Variants in PRELID2 observed in about 807,000 individuals in gnomAD.
The protein encoded by PRELID2 is PRELI domain containing 2, also known as PRELI domain-containing protein 2.
In PRELID2, 25 loss-of-function variants were observed where a neutral mutation model predicts 28.4. The ratio of observed to expected loss-of-function variants is 0.88; its 90% CI spans 0.64 to 1.23. The LOEUF is 1.23. PRELID2 is among the 50% of genes most tolerant of loss of function. The probability of loss-of-function intolerance (pLI) is 0.00; values close to 1 mark genes in which losing one functional copy is unlikely to be tolerated. For missense variants in PRELID2, 201 were observed against 214.4 expected (o/e 0.94, Z 0.39); for synonymous variants, 76 against 71.6 (o/e 1.06, Z -0.31).
rs181673825 is a variant in PRELID2 at position 145,503,082 on chromosome 5, G to C, written n.71-29767C>G. On this transcript the variant is annotated intron_variant and non_coding_transcript_variant, in intron 1 of 2. Transcript: ENST00000510259. ...TGGATGGCTGGGAGAGTATTCACAGGGGGTGGAGGCCTGGGGTCATCAAAG... is the reference window on the plus strand; with the variant it reads ...TGGATGGCTGGGAGAGTATTCACAGCGGGTGGAGGCCTGGGGTCATCAAAG... Among the ~76,000 whole-genome samples the C allele has an allele frequency of 6.1e-4, 93 of 152,232 alleles. No individual in the cohort carries two copies. The East Asian group carries it at 0.011, about 19-fold the overall frequency.
chr5:145,800,702 A>G (rs1753079927), intron 4 of PRELID2, among the ~76,000 whole-genome samples: 1 of 152,162 alleles, frequency 6.6e-6, no homozygotes, highest in African/African-American at 2.4e-5. Context: ...CATATCAGAG[A>G]ATAACAGAGC....
At chr5:145,821,159 G>GTGTGTGTGTGTGTGTGTGTGTGTGTGTA (rs1754771990) in intron 2 of PRELID2, among the ~76,000 whole-genome samples, 4 of 92,632 alleles carry the variant, frequency 4.3e-5, no homozygotes, top group Admixed American at 1.1e-4. Flanking sequence ...CTGGGTGTGT[G>GTGTGTGTGTGTGTGTGTGTGTGTGTGTA]TGTGTGTGTG....
intron 4 of PRELID2, among the ~76,000 whole-genome samples, chr5:145,815,546 C>CA (rs1339296148): frequency 6.6e-6 from 1 of 152,128 alleles, no homozygotes; most frequent in Non-Finnish European, 1.5e-5. Context: ...AACTCCGTAC[C>CA]AACTGGCAGT....
intron 1 of PRELID2, among the ~76,000 whole-genome samples, chr5:145,644,687 T>C (rs1754167659): frequency 6.6e-6 from 1 of 152,352 alleles, no homozygotes; most frequent in South Asian, 2.1e-4. Context: ...TTGCTTTAAA[T>C]GTGTCCCAGA....
At chr5:145,482,555 C>A (rs1391664550) in intron 1 of PRELID2, among the ~76,000 whole-genome samples, 3 of 152,076 alleles carry the variant, frequency 2.0e-5, no homozygotes, top group Non-Finnish European at 2.9e-5. Flanking sequence ...CGGTCCCCAA[C>A]TTTTTTGGCA....
At chr5:145,379,750 C>T in the PRELID2 span, among the ~76,000 whole-genome samples, 1 of 152,036 alleles carries the variant, frequency 6.6e-6, no homozygotes, top group Admixed American at 6.5e-5. Context: ...AAGGAGGGAG[C>T]ATGAAGGCTG....
chr5:145,716,027 T>C (rs1156902876), intron 1 of PRELID2, among the ~76,000 whole-genome samples: 1 of 152,218 alleles, frequency 6.6e-6, no homozygotes, highest in Non-Finnish European at 1.5e-5. Flanking sequence ...TTGTAAACTT[T>C]CTTAAAACAT....
At chr5:145,540,611 A>T (rs138051648) in intron 1 of PRELID2, among the ~76,000 whole-genome samples, 1 of 151,454 alleles carries the variant, frequency 6.6e-6, no homozygotes, top group Non-Finnish European at 1.5e-5. Context: ...AAGTTAAATG[A>T]CTCAGAAGGA....
At chr5:145,822,378 C>T (rs114615231) in intron 2 of PRELID2, among the ~76,000 whole-genome samples, 1,824 of 152,282 alleles carry the variant, frequency 0.012, 36 homozygotes, top group African/African-American at 0.041. Context: ...GCAATAAAGT[C>T]TCTGTGGCAA....
chr5:145,624,013 C>G, intron 1 of PRELID2, among the ~76,000 whole-genome samples: 1 of 152,168 alleles, frequency 6.6e-6, no homozygotes, highest in East Asian at 1.9e-4. Context: ...TGCCTCCACC[C>G]AGATTTAATA....
At chr5:145,574,566 G>A (rs2149620237) in intron 1 of PRELID2, among the ~76,000 whole-genome samples, 1 of 152,308 alleles carries the variant, frequency 6.6e-6, no homozygotes, top group African/African-American at 2.4e-5. Flanking sequence ...CCAAAAGGCA[G>A]TTTTATAAGC....
chr5:145,588,328 A>G (rs977776811), intron 1 of PRELID2, among the ~76,000 whole-genome samples: 4 of 152,156 alleles, frequency 2.6e-5, no homozygotes, highest in African/African-American at 9.7e-5. Context: ...CCTGAGCAGC[A>G]CATCTCCCTG....
At chr5:145,315,749 C>T in the PRELID2 span, among the ~76,000 whole-genome samples, 861 of 150,936 alleles carry the variant, frequency 5.7e-3, 8 homozygotes, top group African/African-American at 0.02. Flanking sequence ...TAATGGAATG[C>T]GAGGCTGAAT....
At chr5:145,415,205 C>A in the PRELID2 span, among the ~76,000 whole-genome samples, 2 of 152,062 alleles carry the variant, frequency 1.3e-5, no homozygotes, top group East Asian at 3.9e-4. Context: ...AAATGGAAAT[C>A]GAACAACGTG....
At chr5:145,564,632 A>G (rs1307189400) in intron 1 of PRELID2, among the ~76,000 whole-genome samples, 1 of 152,194 alleles carries the variant, frequency 6.6e-6, no homozygotes, top group Non-Finnish European at 1.5e-5. Context: ...TCCATTATTT[A>G]CATGTTTGTT....
At chr5:145,465,678 T>C in the PRELID2 span, among the ~76,000 whole-genome samples, 1 of 152,288 alleles carries the variant, frequency 6.6e-6, no homozygotes. Context: ...TATGAGTTAA[T>C]GATAGATCTA....
intron 5 of PRELID2, among the ~76,000 whole-genome samples, chr5:145,781,854 G>A (rs1751656045): frequency 6.6e-6 from 1 of 151,134 alleles, no homozygotes; most frequent in Non-Finnish European, 1.5e-5. Flanking sequence ...AGCTGTAGCA[G>A]CTTTCAATTC....
At chr5:145,305,889 G>C in the PRELID2 span, among the ~76,000 whole-genome samples, 1 of 152,176 alleles carries the variant, frequency 6.6e-6, no homozygotes, top group Non-Finnish European at 1.5e-5. Context: ...TTTTTGTGCA[G>C]ATGCCCATGG....
intron 1 of PRELID2, among the ~76,000 whole-genome samples, chr5:145,522,396 G>GACAC (rs111725998): frequency 1.5e-4 from 22 of 150,196 alleles, no homozygotes; most frequent in South Asian, 6.3e-4. Flanking sequence ...TAGATACAGA[G>GACAC]ACACACACAC....
Sources: allele counts gnomAD v4.1 joint callset (sites outside exome capture counted in the v4.1 genomes callset), GRCh38; gene constraint gnomAD v4.1.1; transcripts MANE v1.5; gene names NCBI Gene and HGNC (gene_info 2026-07-23, HGNC 2026-07-21).